The following CLDN14 variants were observed in gnomAD, a reference collection of about 807,000 sequenced individuals.
CLDN14 encodes claudin 14.
In CLDN14, 2 loss-of-function variants were observed where a neutral mutation model predicts 2.1. The ratio of observed to expected loss-of-function variants is 0.96; its 90% CI spans 0.39 to 3.01. CLDN14 has a LOEUF of 3.01. Ranked by LOEUF, CLDN14 falls within the 30% of genes most tolerant of loss-of-function variation. CLDN14 has a pLI of 0.09. For missense variants in CLDN14, 298 were observed against 328.0 expected (o/e 0.91, Z 0.71); for synonymous variants, 136 against 154.4 (o/e 0.88, Z 0.88).
At chr21:36,552,921 C>T (rs2087572782) in intron 1 of CLDN14, among the ~76,000 whole-genome samples, 1 of 152,130 alleles carries the variant, frequency 6.6e-6, no homozygotes, top group Non-Finnish European at 1.5e-5. Context: ...TGGACTACTC[C>T]CTTGGACATG....
At chr21:36,547,878 G>A (rs2087536449) in intron 1 of CLDN14, among the ~76,000 whole-genome samples, 1 of 152,212 alleles carries the variant, frequency 6.6e-6, no homozygotes, top group African/African-American at 2.4e-5. Flanking sequence ...AGCTGTAAAT[G>A]GTGACAGAAG....
At chr21:36,509,154 G>A (rs1255108081) in intron 2 of CLDN14, among the ~76,000 whole-genome samples, 7 of 152,176 alleles carry the variant, frequency 4.6e-5, no homozygotes, top group Non-Finnish European at 5.9e-5. Flanking sequence ...GGTGTGTATT[G>A]TGCTAGGTTC....
At chr21:36,489,584 T>G (rs965702143) in intron 2 of CLDN14, among the ~76,000 whole-genome samples, 4 of 152,076 alleles carry the variant, frequency 2.6e-5, no homozygotes, top group Admixed American at 6.5e-5. Context: ...CAGGGCCTGG[T>G]GGGGGGCCGG....
chr21:36,544,601 G>C lies in CLDN14; in HGVS notation c.-220+31810C>G, dbSNP rs538514455. 3.2e-4 allele frequency among the ~76,000 whole-genome samples: 49 copies of C among 152,182 alleles called. No homozygotes were observed. Among genetic ancestry groups the C allele is most frequent in the African/African-American group, 1.1e-3 (46 of 41,458 alleles). ...CTCCTCCAGAGCACACTCACTCTCAGACGCCCAGGGAGCTAAGCAAAATTT... is the reference window on the plus strand; with the variant it reads ...CTCCTCCAGAGCACACTCACTCTCACACGCCCAGGGAGCTAAGCAAAATTT... On this transcript the variant is annotated intron_variant, in intron 1 of 2. Transcript: ENST00000342108. The surrounding 1 kb of genome is among the most constrained non-coding windows in gnomAD (Gnocchi z 4.1).
rs1050267287 is a variant in CLDN14, at chr21:36,498,837, G to A, written c.-82+11526C>T. 5.9e-5 allele frequency among the ~76,000 whole-genome samples: 9 copies of A among 152,116 alleles called. No homozygotes were observed. The highest frequency in any genetic ancestry group is 2.0e-4 in the Admixed American group (3 of 15,270). ...GCCCTGCACGAAGGTGGCCGCTGAG[G>A]GGCCCTCATGGGGGCTGAAATTCAA... On this transcript the variant is annotated intron_variant, in intron 2 of 2. Coordinates refer to the CLDN14 transcript ENST00000342108. This position sits in a 1 kb window ranked among gnomAD's most constrained non-coding sequence, Gnocchi z 4.9.
intron 1 of CLDN14, among the ~76,000 whole-genome samples, chr21:36,523,608 C>T (rs1035410726): frequency 1.3e-4 from 19 of 151,370 alleles, no homozygotes; most frequent in African/African-American, 3.9e-4. Context: ...ATTAGCCATG[C>T]GTGGTGGTGT....
intron 2 of CLDN14, among the ~76,000 whole-genome samples, chr21:36,496,479 G>T (rs905876726): frequency 6.1e-5 from 9 of 148,496 alleles, no homozygotes; most frequent in Non-Finnish European, 1.2e-4. Flanking sequence ...TAGAGCCTGT[G>T]CTCTATCTGA....
At chr21:36,561,056 C>T (rs561791210) in intron 1 of CLDN14, among the ~76,000 whole-genome samples, 3 of 152,312 alleles carry the variant, frequency 2.0e-5, no homozygotes, top group South Asian at 2.1e-4. Flanking sequence ...AATTATTCTG[C>T]TACAAGAACT....
rs1377335526 is a variant in CLDN14 at position 36,498,882 on chromosome 21, T to C, written c.-82+11481A>G. On this transcript the variant is annotated intron_variant, in intron 2 of 2. Transcript: ENST00000342108. The surrounding 1 kb of genome is among the most constrained non-coding windows in gnomAD (Gnocchi z 4.9). ...ATTCAACCAAGGCTTGATTCCTGCC[T>C]GAGGTGCCAGGAACCTGTCCCTTTC... 6.6e-6 allele frequency among the ~76,000 whole-genome samples: 1 copy of C among 151,920 alleles called. No individual in the cohort carries two copies. Among genetic ancestry groups the C allele is most frequent in the Non-Finnish European group, 1.5e-5 (1 of 67,990 alleles).
chr21:36,541,603 C>T (rs545483986), intron 1 of CLDN14, among the ~76,000 whole-genome samples: 46 of 152,308 alleles, frequency 3.0e-4, no homozygotes, highest in African/African-American at 1.1e-3. Flanking sequence ...TTCTTACTAC[C>T]TACCTTCTGT....
At chr21:36,537,532 AT>A (rs1293465836) in intron 1 of CLDN14, among the ~76,000 whole-genome samples, 1 of 152,218 alleles carries the variant, frequency 6.6e-6, no homozygotes, top group Non-Finnish European at 1.5e-5. Flanking sequence ...AGGTATGATA[AT>A]GGTGTCGCAG....
Position 36,486,253 on chromosome 21 carries a change from G to A in CLDN14, c.-82+24110C>T, listed in dbSNP as rs760655716. 15 of 827,242 alleles carry A rather than the reference G, an allele frequency of 1.8e-5. No individual in the cohort carries two copies. The East Asian group carries it at 2.9e-4, about 16-fold the overall frequency. 51.2% of individuals were successfully genotyped at this position (827,242 alleles called of 1,614,324 possible). ...CTGCAGGGACATCTTCATGACATAA[G>A]CAATCCCCTCTTCCTTAGGTCAGGA... On this transcript the variant is annotated intron_variant, in intron 2 of 2. Transcript: ENST00000342108.
chr21:36,566,280 AGTGAATTAATATTT>A (rs1244340074), intron 1 of CLDN14, among the ~76,000 whole-genome samples: 1 of 152,242 alleles, frequency 6.6e-6, no homozygotes, highest in Non-Finnish European at 1.5e-5. Context: ...AGAAAGATTA[AGTGAATTAATATTT>A]GTAAAGCACT....
chr21:36,528,198 ATATTAT>A (rs1174688762), intron 1 of CLDN14, among the ~76,000 whole-genome samples: 1 of 152,190 alleles, frequency 6.6e-6, no homozygotes, highest in East Asian at 1.9e-4. Context: ...AAAAATGAAA[ATATTAT>A]TAATAAGGTA....
intron 1 of CLDN14, among the ~76,000 whole-genome samples, chr21:36,524,379 C>A (rs570275188): frequency 6.6e-6 from 1 of 152,324 alleles, no homozygotes; most frequent in Non-Finnish European, 1.5e-5. Flanking sequence ...GTCTTGGACT[C>A]CCAAAGTGCA....
At chr21:36,497,930 C>T (rs1471340976) in intron 2 of CLDN14, among the ~76,000 whole-genome samples, 2 of 152,102 alleles carry the variant, frequency 1.3e-5, no homozygotes, top group African/African-American at 4.8e-5. Context: ...CAGTCTCAGT[C>T]TCAGCCACTG....
At chr21:36,560,696 C>G (rs405582) in intron 1 of CLDN14, among the ~76,000 whole-genome samples, 113,500 of 152,082 alleles carry the variant, frequency 0.75, 43,927 homozygotes, top group Non-Finnish European at 0.87. Context: ...TAGTTGAAAA[C>G]TCTCTAATAG....
intron 1 of CLDN14, among the ~76,000 whole-genome samples, chr21:36,473,974 G>A (rs1335413080): frequency 6.6e-6 from 1 of 152,178 alleles, no homozygotes; most frequent in African/African-American, 2.4e-5. Context: ...GCAACATGAA[G>A]GAAATTGGAG....
chr21:36,548,300 G>A (rs1427417385), intron 1 of CLDN14, among the ~76,000 whole-genome samples: 2 of 152,102 alleles, frequency 1.3e-5, no homozygotes, highest in African/African-American at 4.8e-5. Context: ...TGTGATAAAT[G>A]CCAATCTCCC....
Sources: allele counts gnomAD v4.1 joint callset (sites outside exome capture counted in the v4.1 genomes callset), GRCh38; gene constraint gnomAD v4.1.1; non-coding constraint Gnocchi (gnomAD v3.1); transcripts MANE v1.5; gene names NCBI Gene and HGNC (gene_info 2026-07-23, HGNC 2026-07-21).